Variants in RANBP17 observed in about 807,000 individuals in gnomAD.
RANBP17 encodes the protein RAN binding protein 17.
Under a neutral mutation model 141.2 loss-of-function variants are expected in RANBP17, and 158 were observed. The ratio of observed to expected loss-of-function variants is 1.12; its 90% confidence interval spans 0.98 to 1.28. The LOEUF (loss-of-function observed/expected upper bound fraction) is 1.28, where lower values mean the gene tolerates loss of function less well. RANBP17 is among the 50% of genes most tolerant of loss of function. RANBP17 has a pLI of 0.00. For synonymous variants in RANBP17, 430 were observed against 450.0 expected, an observed-to-expected ratio of 0.96 and a Z score of 0.56; for missense variants, 1,438 against 1,290.7, an observed-to-expected ratio of 1.11 and a Z score of -1.75.
At chr5:171,018,149 T>C (rs1780587673) in intron 14 of RANBP17, among the ~76,000 whole-genome samples, 1 of 152,212 alleles carries the variant, frequency 6.6e-6, no homozygotes, top group African/African-American at 2.4e-5. Flanking sequence ...GTTGTTTTGG[T>C]TACTGTAGCC....
At chr5:171,179,163 G>GT (rs74326632) in intron 16 of RANBP17, among the ~76,000 whole-genome samples, 9,364 of 152,104 alleles carry the variant, frequency 0.062, 382 homozygotes, top group East Asian at 0.12. Flanking sequence ...TAGGTCTTAT[G>GT]TTTAAGTCTT....
intron 8 of RANBP17, among the ~76,000 whole-genome samples, chr5:170,914,922 G>A (rs1460667460): frequency 1.3e-5 from 2 of 152,020 alleles, no homozygotes; most frequent in South Asian, 2.1e-4. Flanking sequence ...AAAACATATT[G>A]CATATTTAAA....
rs565562010 is a variant in RANBP17 at position 171,246,533 on chromosome 5, A to G, written c.2776+3713A>G. ...TTTTCTAGTTGTTTGGCAGGAGGGC[A>G]AATTCTCATAGCAGTTAATTCTTCA... On this transcript the variant is annotated intron_variant, in intron 24 of 27. Transcript: ENST00000523189. Among the ~76,000 whole-genome samples, 7 of 152,328 alleles carry G rather than the reference A, an allele frequency of 4.6e-5. No homozygotes were observed. The East Asian group carries it at 1.4e-3, about 29-fold the overall frequency.
chr5:171,178,891 G>A (rs896805789), intron 16 of RANBP17, among the ~76,000 whole-genome samples: 1 of 152,024 alleles, frequency 6.6e-6, no homozygotes, highest in African/African-American at 2.4e-5. Flanking sequence ...TTGTAAATTT[G>A]TTTAAGTTCC....
At chr5:171,057,231 G>C (rs901216104) in intron 14 of RANBP17, among the ~76,000 whole-genome samples, 8 of 152,224 alleles carry the variant, frequency 5.3e-5, no homozygotes, top group East Asian at 1.9e-4. Context: ...TTCACACACA[G>C]AATTTCTTTT....
chr5:170,872,322 G>A (rs1360266099), intron 1 of RANBP17, among the ~76,000 whole-genome samples: 2 of 152,034 alleles, frequency 1.3e-5, no homozygotes, highest in Non-Finnish European at 1.5e-5. Flanking sequence ...CTTGTCTATT[G>A]TTGGTGTATA....
intron 14 of RANBP17, among the ~76,000 whole-genome samples, chr5:171,137,239 G>A (rs1757348478): frequency 1.3e-5 from 2 of 152,042 alleles, no homozygotes; most frequent in African/African-American, 4.8e-5. Flanking sequence ...AGTTGATGAG[G>A]TCTCTTACAA....
intron 14 of RANBP17, among the ~76,000 whole-genome samples, chr5:170,972,942 T>TA (rs559845419): frequency 3.9e-5 from 6 of 152,218 alleles, no homozygotes; most frequent in Non-Finnish European, 7.3e-5. Context: ...GGTTTCTCGT[T>TA]ACTTATAAAA....
intron 5 of RANBP17, chr5:170,904,063 T>C (rs952613565): frequency 6.5e-6 from 3 of 458,088 alleles, no homozygotes; most frequent in African/African-American, 6.1e-5. Context: ...AAACATAGTC[T>C]TTACCTCACC....
intron 16 of RANBP17, among the ~76,000 whole-genome samples, chr5:171,174,210 T>G (rs1044758219): frequency 3.0e-4 from 46 of 152,182 alleles, no homozygotes; most frequent in Admixed American, 9.2e-4. Flanking sequence ...AGTAACTGTT[T>G]AACATACTCT....
intron 14 of RANBP17, among the ~76,000 whole-genome samples, chr5:171,063,944 G>A (rs549743098): frequency 2.6e-5 from 4 of 152,340 alleles, no homozygotes; most frequent in East Asian, 1.9e-4. Context: ...GCGAGACTCC[G>A]TGGGCGTAGG....
chr5:170,981,279 A>G (rs1228869629), intron 14 of RANBP17, among the ~76,000 whole-genome samples: 1 of 152,194 alleles, frequency 6.6e-6, no homozygotes, highest in Non-Finnish European at 1.5e-5. Flanking sequence ...TAATGCTGAA[A>G]TGAGTTAAGA....
intron 17 of RANBP17, 42 bp from the exon 18 acceptor site, chr5:171,183,280 G>A (rs1760990774): frequency 1.9e-6 from 3 of 1,581,644 alleles, no homozygotes; most frequent in Middle Eastern, 1.7e-4. Context: ...AATAGTTGAG[G>A]TAAAGTGTTA....
chr5:170,929,228 T>C (rs1276770533), intron 12 of RANBP17, among the ~76,000 whole-genome samples: 1 of 152,110 alleles, frequency 6.6e-6, no homozygotes, highest in Non-Finnish European at 1.5e-5. Flanking sequence ...TTTTGTTTAT[T>C]TTTCTTGCCT....
chr5:171,105,735 T>A (rs1016323035), intron 14 of RANBP17, among the ~76,000 whole-genome samples: 10 of 144,398 alleles, frequency 6.9e-5, no homozygotes, highest in African/African-American at 1.8e-4. Flanking sequence ...AAAAAAAAAA[T>A]TTATTCTATC....
intron 19 of RANBP17, among the ~76,000 whole-genome samples, chr5:171,204,542 A>G (rs1762465482): frequency 6.6e-6 from 1 of 152,326 alleles, no homozygotes; most frequent in African/African-American, 2.4e-5. Flanking sequence ...GCAATGAAAC[A>G]GTATCTTTAG....
At chr5:171,247,818 C>A (rs1765299928) in intron 24 of RANBP17, among the ~76,000 whole-genome samples, 1 of 152,084 alleles carries the variant, frequency 6.6e-6, no homozygotes, top group South Asian at 2.1e-4. Flanking sequence ...AAGATTCCTG[C>A]CCACATGAAA....
intron 13 of RANBP17, among the ~76,000 whole-genome samples, chr5:170,956,157 T>C (rs914256582): frequency 3.3e-5 from 5 of 152,108 alleles, no homozygotes; most frequent in Admixed American, 2.6e-4. Flanking sequence ...TGATTTGAAG[T>C]GGCACTTATA....
chr5:171,146,593 G>T (rs1370913669), intron 14 of RANBP17, among the ~76,000 whole-genome samples: 1 of 151,920 alleles, frequency 6.6e-6, no homozygotes, highest in Non-Finnish European at 1.5e-5. Context: ...TCTGGGAGAG[G>T]GTAAATATCT....
Sources: gnomAD v4.1 joint callset for allele counts (sites outside exome capture counted in the v4.1 genomes callset) on GRCh38, gnomAD v4.1.1 for gene constraint, MANE v1.5 for transcripts, NCBI Gene and HGNC (gene_info 2026-07-23, HGNC 2026-07-21) for gene names.